Variants in CERS6 observed in about 807,000 individuals in gnomAD.
CERS6 encodes LAG1 homolog, ceramide synthase 6.
In CERS6, 26 loss-of-function variants were observed where a neutral mutation model predicts 56.8. That is an observed-to-expected ratio of 0.46 (90% CI 0.34 to 0.63). The LOEUF is 0.63. Among genes scored for constraint, CERS6 ranks in the 30% least tolerant of loss-of-function variants. CERS6 has a pLI of 0.01. For synonymous variants in CERS6, 164 were observed against 173.3 expected, an observed-to-expected ratio of 0.95 and a Z score of 0.42; for missense variants, 415 against 467.5, an observed-to-expected ratio of 0.89 and a Z score of 1.04.
chr2:168,687,249 G>A (rs544381708), intron 4 of CERS6, among the ~76,000 whole-genome samples: 13 of 152,252 alleles, frequency 8.5e-5, no homozygotes, highest in South Asian at 2.1e-4. Context: ...AATGATTCTC[G>A]CAAAGATTAG....
In CERS6 at chr2:168,770,931, A is replaced by C. The variant is rs1684847316; in HGVS notation, c.*1269A>C. ...TCTATTGGACAATGGCAATATCAAC[A>C]ATGAGGAAAATTACTGAAGAATAAG... On this transcript the variant is annotated 3_prime_UTR_variant, in exon 10 of 10. Transcript: ENST00000305747. 1 of 152,220 alleles carries C rather than the reference A, an allele frequency of 6.6e-6. No homozygotes were observed. The highest frequency in any genetic ancestry group is 6.5e-5 in the Admixed American group (1 of 15,286). 9.4% of individuals were successfully genotyped at this position (152,220 alleles called of 1,614,324 possible). A position where few individuals can be genotyped will look rare whatever the true frequency, so the allele number is the denominator to read the frequency against.
At chr2:168,533,949 G>A (rs1488224004) in intron 1 of CERS6, among the ~76,000 whole-genome samples, 1 of 151,802 alleles carries the variant, frequency 6.6e-6, no homozygotes, top group East Asian at 1.9e-4. Flanking sequence ...TTGTCTGCAT[G>A]CCTTATTTCA....
At chr2:168,649,625 A>G (rs1178204429) in intron 4 of CERS6, among the ~76,000 whole-genome samples, 1 of 152,172 alleles carries the variant, frequency 6.6e-6, no homozygotes, top group East Asian at 1.9e-4. Flanking sequence ...GTTATGGGAA[A>G]GGTTTGCTTT....
At chr2:168,664,844 C>T (rs908346041) in intron 4 of CERS6, among the ~76,000 whole-genome samples, 1 of 152,116 alleles carries the variant, frequency 6.6e-6, no homozygotes, top group Non-Finnish European at 1.5e-5. Flanking sequence ...ATGCCTTAAC[C>T]GTCTGAGAGT....
At chr2:168,501,887 C>T (rs1574027003) in intron 1 of CERS6, among the ~76,000 whole-genome samples, 1 of 152,212 alleles carries the variant, frequency 6.6e-6, no homozygotes, top group South Asian at 2.1e-4. Flanking sequence ...TGGCCGCCCG[C>T]AGACCTGTGG....
chr2:168,623,705 T>C (rs1311724275), intron 3 of CERS6, among the ~76,000 whole-genome samples: 2 of 152,220 alleles, frequency 1.3e-5, no homozygotes, highest in African/African-American at 2.4e-5. Flanking sequence ...TAGATGTCAA[T>C]CTGTAAAATT....
chr2:168,679,662 A>G (rs1686161049), intron 4 of CERS6, among the ~76,000 whole-genome samples: 1 of 152,210 alleles, frequency 6.6e-6, no homozygotes, highest in Non-Finnish European at 1.5e-5. Context: ...ACACACAGAT[A>G]GGACATGGTT....
At chr2:168,609,293 C>T (rs1684129029) in intron 3 of CERS6, among the ~76,000 whole-genome samples, 2 of 152,214 alleles carry the variant, frequency 1.3e-5, no homozygotes, top group South Asian at 2.1e-4. Context: ...CCCCTGGCCT[C>T]CCTTCTTTTA....
Position 168,694,986 on chromosome 2 carries a change from T to C in CERS6, c.544T>C (p.Tyr182His), listed in dbSNP as rs1042177809. ...QPLTTDLHYY[Y>H]ILELSFYWSL... is the part of the protein sequence containing the mutation. ...ACTCACAACTGACCTTCACTACTAT[T>C]ACATCCTGGAGCTGTCGTTTTATTG... is the stretch of plus-strand genomic sequence containing the variant. Residue 182 changes from tyrosine (Y) to histidine (H), a missense_variant, in exon 6 of 10, where the codon TAC becomes CAC. Physicochemically the swap from Tyr to His is moderately conservative, Grantham distance 83. Transcript: ENST00000305747. 3.7e-6 allele frequency: 6 copies of C among 1,613,522 alleles called. No homozygotes were observed. Among genetic ancestry groups the C allele is most frequent in the Admixed American group, 1.7e-5 (1 of 59,988 alleles).
intron 3 of CERS6, among the ~76,000 whole-genome samples, chr2:168,591,213 T>C (rs948114871): frequency 2.0e-5 from 3 of 152,244 alleles, no homozygotes; most frequent in Non-Finnish European, 4.4e-5. Context: ...TTAAAATAAC[T>C]AAACTTCTTA....
chr2:168,592,299 T>C (rs976410679), intron 3 of CERS6, among the ~76,000 whole-genome samples: 2 of 152,062 alleles, frequency 1.3e-5, no homozygotes, highest in African/African-American at 4.8e-5. Flanking sequence ...CTCTTCCAGC[T>C]GTGGGCAGAG....
At chr2:168,670,906 C>T (rs1396497038) in intron 4 of CERS6, among the ~76,000 whole-genome samples, 2 of 149,366 alleles carry the variant, frequency 1.3e-5, no homozygotes, top group African/African-American at 2.4e-5. Flanking sequence ...GTTTTGTTCA[C>T]TCCTAAATTC....
intron 3 of CERS6, among the ~76,000 whole-genome samples, chr2:168,604,616 C>T (rs1327587270): frequency 6.6e-6 from 1 of 152,068 alleles, no homozygotes; most frequent in African/African-American, 2.4e-5. Context: ...TAACATCATC[C>T]CTCCTTGGTA....
chr2:168,531,496 T>C (rs1695165934), intron 1 of CERS6, among the ~76,000 whole-genome samples: 1 of 152,164 alleles, frequency 6.6e-6, no homozygotes, highest in African/African-American at 2.4e-5. Context: ...TCTGTGCATC[T>C]TATGCTCTTC....
At chr2:168,537,693 A>AT (rs1309975470) in intron 1 of CERS6, among the ~76,000 whole-genome samples, 1 of 152,144 alleles carries the variant, frequency 6.6e-6, no homozygotes, top group African/African-American at 2.4e-5. Context: ...CTCCTCCCGT[A>AT]TTTATTTATA....
intron 4 of CERS6, among the ~76,000 whole-genome samples, chr2:168,685,310 A>G (rs981051175): frequency 6.6e-6 from 1 of 152,184 alleles, no homozygotes; most frequent in Non-Finnish European, 1.5e-5. Context: ...CAAAGAAACT[A>G]CTGTTTATTC....
At chr2:168,760,206 C>T (rs922691018) in intron 8 of CERS6, among the ~76,000 whole-genome samples, 3 of 152,074 alleles carry the variant, frequency 2.0e-5, no homozygotes, top group Non-Finnish European at 4.4e-5. Flanking sequence ...TTAACTTACA[C>T]GATCACAAGG....
chr2:168,640,706 T>C (rs4668083), intron 4 of CERS6, among the ~76,000 whole-genome samples: 140,661 of 152,270 alleles, frequency 0.92, 65,476 homozygotes, highest in Non-Finnish European at 0.99. Context: ...AAGCTTTGTC[T>C]AAAAATACTT....
intron 4 of CERS6, among the ~76,000 whole-genome samples, chr2:168,637,698 A>G (rs924110903): frequency 1.3e-5 from 2 of 152,208 alleles, no homozygotes; most frequent in African/African-American, 4.8e-5. Context: ...ATGACATGCA[A>G]TCTTTTTGAG....
Sources: gnomAD v4.1 joint callset for allele counts (sites outside exome capture counted in the v4.1 genomes callset) on GRCh38, gnomAD v4.1.1 for gene constraint, MANE v1.5 for transcripts, NCBI Gene and HGNC (gene_info 2026-07-23, HGNC 2026-07-21) for gene names.